DRC9: variants seen among roughly 807,000 people sequenced by gnomAD.
The protein encoded by DRC9 is dynein regulatory complex subunit 9, also known as dynein regulatory complex protein 9.
the DRC9 span, among the ~76,000 whole-genome samples, chr3:197,942,062 C>G: frequency 6.6e-6 from 1 of 152,122 alleles, no homozygotes; most frequent in African/African-American, 2.4e-5. Flanking sequence ...TACCCCAAAA[C>G]TCGCAGAATG....
At chr3:197,934,476 C>G in the DRC9 span, among the ~76,000 whole-genome samples, 3 of 152,074 alleles carry the variant, frequency 2.0e-5, no homozygotes, top group African/African-American at 7.2e-5. Context: ...TGAGCCACGG[C>G]GCCCGGCCAA....
chr3:197,940,278 G>A, the DRC9 span, among the ~76,000 whole-genome samples: 2 of 150,620 alleles, frequency 1.3e-5, no homozygotes, highest in Non-Finnish European at 2.9e-5. Flanking sequence ...TGACAGGCGT[G>A]AGCCACCGTG....
chr3:197,923,466 C>T, the DRC9 span, among the ~76,000 whole-genome samples: 1 of 152,174 alleles, frequency 6.6e-6, no homozygotes, highest in African/African-American at 2.4e-5. Context: ...CAGTGGTTCA[C>T]ACCTATCATC....
At chr3:197,954,912 AT>A in the DRC9 span, among the ~76,000 whole-genome samples, 1 of 152,190 alleles carries the variant, frequency 6.6e-6, no homozygotes, top group African/African-American at 2.4e-5. Context: ...ATATTTTGCC[AT>A]TTCCATCATG....
At chr3:197,891,184 C>T in the DRC9 span, among the ~76,000 whole-genome samples, 1 of 152,066 alleles carries the variant, frequency 6.6e-6, no homozygotes, top group East Asian at 1.9e-4. Flanking sequence ...TCTGATATTT[C>T]GTCTCTTGGC....
the DRC9 span, among the ~76,000 whole-genome samples, chr3:197,929,791 A>AAAAAC: frequency 6.6e-6 from 1 of 152,094 alleles, no homozygotes; most frequent in East Asian, 1.9e-4. This position sits in a 1 kb window ranked among gnomAD's most constrained non-coding sequence, Gnocchi z 4.6. Context: ...ATGTAAATTA[A>AAAAAC]AAAACAAAAC....
the DRC9 span, among the ~76,000 whole-genome samples, chr3:197,936,507 G>T: frequency 1.3e-5 from 2 of 152,084 alleles, no homozygotes; most frequent in African/African-American, 4.8e-5. Context: ...TGGGACCACA[G>T]GCCCACCACC....
the DRC9 span, chr3:197,950,098 G>A: frequency 8.1e-7 from 1 of 1,228,546 alleles, no homozygotes; most frequent in African/African-American, 1.6e-5. Flanking sequence ...GATTTCCGAG[G>A]ATTGTTTTTC....
chr3:197,918,644 T>A, the DRC9 span, among the ~76,000 whole-genome samples: 1 of 152,184 alleles, frequency 6.6e-6, no homozygotes, highest in Non-Finnish European at 1.5e-5. Flanking sequence ...TGTCCGTACA[T>A]ACAAAAATAT....
chr3:197,915,505 C>T, the DRC9 span, among the ~76,000 whole-genome samples: 3 of 151,956 alleles, frequency 2.0e-5, no homozygotes, highest in Non-Finnish European at 4.4e-5. Flanking sequence ...ACTGTTTGGG[C>T]GGAATCAGTG....
chr3:197,959,994 C>G, the DRC9 span: 2 of 560,058 alleles, frequency 3.6e-6, no homozygotes, highest in South Asian at 4.8e-5. Flanking sequence ...CGCCCGCTAG[C>G]CTTTCTTCCT....
At chr3:197,896,746 G>A in the DRC9 span, among the ~76,000 whole-genome samples, 1 of 152,172 alleles carries the variant, frequency 6.6e-6, no homozygotes, top group African/African-American at 2.4e-5. Context: ...TTTCTCTGAG[G>A]TCTCTTTTTT....
At chr3:197,904,495 T>TA in the DRC9 span, among the ~76,000 whole-genome samples, 1 of 152,196 alleles carries the variant, frequency 6.6e-6, no homozygotes, top group African/African-American at 2.4e-5. Flanking sequence ...TCTGCACTCC[T>TA]ATGTTTATTG....
chr3:197,892,745 C>T, the DRC9 span: 1 of 1,614,156 alleles, frequency 6.2e-7, no homozygotes, highest in Non-Finnish European at 8.5e-7. Flanking sequence ...AGAACTCCAG[C>T]CTCTCCTCAA....
the DRC9 span, chr3:197,926,023 C>G: frequency 6.5e-7 from 1 of 1,534,584 alleles, no homozygotes; most frequent in Admixed American, 1.7e-5. Flanking sequence ...GTAATTCTTA[C>G]CTGGACTTCA....
At chr3:197,917,904 A>T in the DRC9 span, among the ~76,000 whole-genome samples, 59,762 of 150,508 alleles carry the variant, frequency 0.4, 16,395 homozygotes, top group African/African-American at 0.79. Flanking sequence ...CTAATTTTTT[A>T]ATTTCTTTTT....
At chr3:197,938,738 G>A in the DRC9 span, 2 of 1,613,858 alleles carry the variant, frequency 1.2e-6, no homozygotes, top group Non-Finnish European at 1.7e-6. Flanking sequence ...GCCATTGGAA[G>A]TTTGTCTAGA....
chr3:197,955,794 T>C, the DRC9 span: 90 of 1,585,474 alleles, frequency 5.7e-5, 1 homozygote, highest in East Asian at 2.0e-3. Context: ...AATCAATAAA[T>C]AAATGTGGAT....
the DRC9 span, among the ~76,000 whole-genome samples, chr3:197,895,346 T>C: frequency 0.018 from 2,799 of 152,294 alleles, 92 homozygotes; most frequent in African/African-American, 0.064. Context: ...CTTAGTTCAC[T>C]GCAGCCTCCA....
Sources: allele counts gnomAD v4.1 joint callset (sites outside exome capture counted in the v4.1 genomes callset), GRCh38; gene constraint gnomAD v4.1.1; non-coding constraint Gnocchi (gnomAD v3.1); transcripts MANE v1.5; gene names NCBI Gene and HGNC (gene_info 2026-07-23, HGNC 2026-07-21).